Variants in MFHAS1 observed in about 807,000 individuals in gnomAD.
The protein encoded by MFHAS1 is multifunctional ROCO family signaling regulator 1.
A neutral mutation model predicts 70.4 loss-of-function variants in MFHAS1; 50 were observed. The ratio of observed to expected loss-of-function variants is 0.71; its 90% CI spans 0.57 to 0.90. The LOEUF is 0.90. Among genes scored for constraint, MFHAS1 ranks in the 40% least tolerant of loss-of-function variants. MFHAS1 has a pLI of 0.00. For missense variants in MFHAS1, 1,795 were observed against 1,347.6 expected (o/e 1.33, Z -5.20); for synonymous variants, 952 against 620.0 (o/e 1.54, Z -7.96).
chr8:8,824,987 G>C (rs888081035), intron 1 of MFHAS1, among the ~76,000 whole-genome samples: 2 of 152,208 alleles, frequency 1.3e-5, no homozygotes, highest in Admixed American at 1.3e-4. Context: ...AGACTCCTAG[G>C]GGACCTGCTT....
At chr8:8,856,836 C>A (rs1245599022) in intron 1 of MFHAS1, among the ~76,000 whole-genome samples, 1 of 152,070 alleles carries the variant, frequency 6.6e-6, no homozygotes, top group Non-Finnish European at 1.5e-5. Context: ...TTTATTGCTG[C>A]ACACGGGAAA....
intron 1 of MFHAS1, among the ~76,000 whole-genome samples, chr8:8,836,930 C>G (rs752377186): frequency 6.6e-6 from 1 of 152,090 alleles, no homozygotes; most frequent in Non-Finnish European, 1.5e-5. Context: ...TAAAATGACC[C>G]TTTAAAGACA....
At chr8:8,861,663 T>C (rs1808666098) in intron 1 of MFHAS1, among the ~76,000 whole-genome samples, 1 of 152,196 alleles carries the variant, frequency 6.6e-6, no homozygotes, top group Non-Finnish European at 1.5e-5. Flanking sequence ...TCTCGTAACC[T>C]CCACTACAGT....
chr8:8,816,169 G>A (rs1806735298), intron 1 of MFHAS1, among the ~76,000 whole-genome samples: 1 of 152,144 alleles, frequency 6.6e-6, no homozygotes, highest in South Asian at 2.1e-4. Context: ...GAGCCAGGAA[G>A]GAATGGAAGT....
intron 1 of MFHAS1, among the ~76,000 whole-genome samples, chr8:8,825,048 T>C (rs1314381849): frequency 1.3e-5 from 2 of 152,260 alleles, no homozygotes; most frequent in Non-Finnish European, 2.9e-5. Flanking sequence ...AATCTCATGC[T>C]GTCCTAGAGA....
intron 1 of MFHAS1, among the ~76,000 whole-genome samples, chr8:8,884,758 G>A (rs1474326110): frequency 6.6e-6 from 1 of 152,130 alleles, no homozygotes; most frequent in East Asian, 1.9e-4. Flanking sequence ...AGACCAGCCT[G>A]AGCAACACAG....
chr8:8,834,811 C>T (rs1807538068), intron 1 of MFHAS1, among the ~76,000 whole-genome samples: 1 of 152,180 alleles, frequency 6.6e-6, no homozygotes. Context: ...TCTGTGGTTC[C>T]TCAACTGTGC....
intron 1 of MFHAS1, among the ~76,000 whole-genome samples, chr8:8,863,313 A>G (rs1339093352): frequency 6.6e-6 from 1 of 152,114 alleles, no homozygotes; most frequent in Non-Finnish European, 1.5e-5. Context: ...GGGACAATTC[A>G]CCCCCAATGG....
chr8:8,844,808 T>TAC (rs1198243272), intron 1 of MFHAS1, among the ~76,000 whole-genome samples: 1 of 152,176 alleles, frequency 6.6e-6, no homozygotes, highest in Non-Finnish European at 1.5e-5. Context: ...GCACTACTAC[T>TAC]ACATCAAAAC....
At chr8:8,828,948 C>T (rs146198702) in intron 1 of MFHAS1, among the ~76,000 whole-genome samples, 2 of 152,158 alleles carry the variant, frequency 1.3e-5, no homozygotes, top group South Asian at 2.1e-4. Flanking sequence ...GCTAAGAGCA[C>T]CCCTGCCTCC....
At chr8:8,886,544 G>C (rs147506596) in intron 1 of MFHAS1, among the ~76,000 whole-genome samples, 2 of 152,110 alleles carry the variant, frequency 1.3e-5, no homozygotes, top group African/African-American at 4.8e-5. Context: ...CTACAGTAGG[G>C]CAGCTCAGGC....
At chr8:8,829,531 A>AG in intron 1 of MFHAS1, among the ~76,000 whole-genome samples, 1 of 152,156 alleles carries the variant, frequency 6.6e-6, no homozygotes, top group Admixed American at 6.5e-5. Flanking sequence ...AAATACAAAA[A>AG]TTAGCCAAGC....
At chr8:8,820,832 T>G (rs1242401991) in intron 1 of MFHAS1, among the ~76,000 whole-genome samples, 6 of 152,248 alleles carry the variant, frequency 3.9e-5, no homozygotes, top group Admixed American at 3.9e-4. Context: ...GCCAAAGCTG[T>G]GCTGCCATTT....
chr8:8,890,161 C>G lies in MFHAS1; in HGVS notation c.2898G>C (p.Leu966=). ...WQAITPLVEE[L]NVLLQEWPGL... ...CAGGCCATTCCTGAAGTAGGACATT[C>G]AGTTCCTCCACCAAGGGGGTTATGG... is the stretch of plus-strand genomic sequence containing the variant. The change falls in exon 1 of 3, where the codon CTG becomes CTC. Residue 966 remains leucine (L), a synonymous_variant. Transcript: ENST00000276282. 6.2e-7 allele frequency: 1 copy of G among 1,614,172 alleles called. No individual in the cohort carries two copies.
intron 1 of MFHAS1, among the ~76,000 whole-genome samples, chr8:8,883,706 TCAAAAAAAA>T (rs1809623049): frequency 2.8e-5 from 1 of 35,706 alleles, no homozygotes; most frequent in African/African-American, 1.9e-4. Context: ...AGACTCAGTC[TCAAAAAAAA>T]AAAAAAAAAA....
chr8:8,798,877 C>A (rs1467519291), intron 1 of MFHAS1, among the ~76,000 whole-genome samples: 1 of 151,898 alleles, frequency 6.6e-6, no homozygotes, highest in South Asian at 2.1e-4. Flanking sequence ...TGAAACTCCA[C>A]ATCTACTAAA....
At chr8:8,794,766 G>C (rs1805835257) in intron 2 of MFHAS1, among the ~76,000 whole-genome samples, 2 of 152,050 alleles carry the variant, frequency 1.3e-5, no homozygotes, top group Admixed American at 6.5e-5. Flanking sequence ...AAATGATTCT[G>C]ATAGCTAGGT....
intron 1 of MFHAS1, among the ~76,000 whole-genome samples, chr8:8,888,043 C>T (rs1333909649): frequency 6.6e-6 from 1 of 152,114 alleles, no homozygotes; most frequent in Non-Finnish European, 1.5e-5. Context: ...GCGTAACTCC[C>T]AGTCACTTTA....
chr8:8,852,480 C>T (rs1264242096), intron 1 of MFHAS1, among the ~76,000 whole-genome samples: 1 of 129,020 alleles, frequency 7.8e-6, no homozygotes, highest in Non-Finnish European at 1.7e-5. Flanking sequence ...AACACACACA[C>T]ACACACACAC....
Sources: gnomAD v4.1 joint callset for allele counts (sites outside exome capture counted in the v4.1 genomes callset) on GRCh38, gnomAD v4.1.1 for gene constraint, MANE v1.5 for transcripts, NCBI Gene and HGNC (gene_info 2026-07-23, HGNC 2026-07-21) for gene names.